The following CAMTA1 variants were observed in gnomAD, a reference collection of about 807,000 sequenced individuals.
CAMTA1 encodes the protein calmodulin-binding transcription activator 1.
In CAMTA1, 27 loss-of-function variants were observed where a neutral mutation model predicts 170.9. The observed-to-expected ratio is 0.16, with a 90% CI of 0.12 to 0.22. CAMTA1 has a LOEUF of 0.22. Ranked by LOEUF, CAMTA1 falls within the 10% of genes least tolerant of loss-of-function variation. The pLI is 1.00. For missense variants in CAMTA1, 1,619 were observed against 2,217.2 expected (o/e 0.73, Z 5.42); for synonymous variants, 833 against 891.5 (o/e 0.93, Z 1.17).
intron 7 of CAMTA1, among the ~76,000 whole-genome samples, chr1:7,649,025 C>T (rs1484887937): frequency 1.3e-5 from 2 of 152,254 alleles, no homozygotes; most frequent in African/African-American, 2.4e-5. Context: ...TGTAGCCACA[C>T]TCCCAGAGGA....
At chr1:7,081,428 C>T (rs941561142) in intron 3 of CAMTA1, among the ~76,000 whole-genome samples, 16 of 152,308 alleles carry the variant, frequency 1.1e-4, no homozygotes, top group South Asian at 8.3e-4. Context: ...AATAAACTGA[C>T]GACTGGAACA....
intron 5 of CAMTA1, among the ~76,000 whole-genome samples, chr1:7,265,219 T>C (rs569427052): frequency 1.6e-4 from 24 of 152,350 alleles, no homozygotes; most frequent in Middle Eastern, 3.4e-3. Flanking sequence ...CCTGGAAATG[T>C]GGCTCATCCA....
intron 4 of CAMTA1, among the ~76,000 whole-genome samples, chr1:7,181,924 G>T (rs1208364182): frequency 6.6e-6 from 1 of 151,778 alleles, no homozygotes; most frequent in Non-Finnish European, 1.5e-5. Flanking sequence ...AAGAACTACT[G>T]GGAGGAATAG....
chr1:6,928,950 G>A (rs1008475113), intron 3 of CAMTA1, among the ~76,000 whole-genome samples: 1 of 152,160 alleles, frequency 6.6e-6, no homozygotes. Context: ...CTGGCCCATC[G>A]GAGGCACCAG....
intron 1 of CAMTA1, among the ~76,000 whole-genome samples, chr1:6,796,010 A>T (rs1642390936): frequency 6.6e-6 from 1 of 152,146 alleles, no homozygotes; most frequent in Admixed American, 6.6e-5. Flanking sequence ...CTAAAAAGTC[A>T]ATTTAATTAT....
intron 7 of CAMTA1, among the ~76,000 whole-genome samples, chr1:7,655,476 T>TAC (rs377554546): frequency 0.32 from 42,357 of 131,654 alleles, 6,440 homozygotes; most frequent in African/African-American, 0.43. Context: ...CACCCACCTA[T>TAC]ACAAACACAC....
intron 4 of CAMTA1, among the ~76,000 whole-genome samples, chr1:7,147,485 CACAA>C (rs1180929230): frequency 2.6e-5 from 4 of 151,692 alleles, no homozygotes; most frequent in Non-Finnish European, 5.9e-5. Context: ...ACCATGCACA[CACAA>C]ACACACTCAA....
intron 4 of CAMTA1, among the ~76,000 whole-genome samples, chr1:7,244,110 C>T (rs1230685452): frequency 6.6e-6 from 1 of 152,150 alleles, no homozygotes; most frequent in Non-Finnish European, 1.5e-5. Context: ...CAAAAGAAGA[C>T]ATTTATGCAG....
chr1:7,404,408 G>A (rs1230539856), intron 5 of CAMTA1, among the ~76,000 whole-genome samples: 1 of 152,240 alleles, frequency 6.6e-6, no homozygotes, highest in Non-Finnish European at 1.5e-5. Context: ...GATGTCCTCT[G>A]GTGTTGGTCA....
intron 6 of CAMTA1, among the ~76,000 whole-genome samples, chr1:7,559,862 C>T (rs747067895): frequency 4.4e-4 from 67 of 152,144 alleles, no homozygotes; most frequent in Non-Finnish European, 9.0e-4. Context: ...GGCCTCAGGG[C>T]CTGACTGCAG....
chr1:6,940,316 A>G (rs1686211781), intron 3 of CAMTA1, among the ~76,000 whole-genome samples: 1 of 152,244 alleles, frequency 6.6e-6, no homozygotes, highest in African/African-American at 2.4e-5. Flanking sequence ...TGTAAGTCCC[A>G]GTTCAAGGTC....
chr1:7,631,598 G>A (rs938447221), intron 6 of CAMTA1, among the ~76,000 whole-genome samples: 5 of 152,180 alleles, frequency 3.3e-5, no homozygotes, highest in African/African-American at 9.7e-5. Flanking sequence ...CTGAGTGGCC[G>A]TGGAATGCCA....
chr1:7,291,569 G>A (rs2149503803), intron 5 of CAMTA1, among the ~76,000 whole-genome samples: 1 of 152,366 alleles, frequency 6.6e-6, no homozygotes, highest in East Asian at 1.9e-4. Context: ...GATGAATTAA[G>A]CGCTGCTGGG....
chr1:7,758,775 A>C (rs2096951513), intron 22 of CAMTA1, among the ~76,000 whole-genome samples: 1 of 151,990 alleles, frequency 6.6e-6, no homozygotes. Context: ...CTCTACTGAA[A>C]ATACAAAAAA....
At chr1:6,807,093 G>A (rs762774890) in intron 1 of CAMTA1, 5 of 621,410 alleles carry the variant, frequency 8.0e-6, no homozygotes, top group Admixed American at 2.4e-5. Context: ...GTGAAGGTGC[G>A]TGCAATATGT....
rs1679174488 is a variant in CAMTA1 at position 7,325,763 on chromosome 1, A to G, written c.438+76137A>G. 6.6e-6 allele frequency among the ~76,000 whole-genome samples: 1 copy of G among 152,202 alleles called. No individual in the cohort carries two copies. On this transcript the variant is annotated intron_variant, in intron 5 of 22. Coordinates refer to ENST00000303635, the MANE Select transcript of CAMTA1 (RefSeq NM_015215.4). The surrounding 1 kb of genome is among the most constrained non-coding windows in gnomAD (Gnocchi z 5.0). ...CTGCTGTGGACATACTGCATTTGAG[A>G]TGCCTCAAAAATTCAGAGGGGCCAC... is the stretch of plus-strand genomic sequence containing the variant.
intron 3 of CAMTA1, among the ~76,000 whole-genome samples, chr1:7,077,554 G>A (rs982393258): frequency 7.2e-5 from 11 of 152,070 alleles, no homozygotes; most frequent in African/African-American, 2.7e-4. Context: ...CATTATGGGT[G>A]TTAGGGCTTC....
intron 6 of CAMTA1, among the ~76,000 whole-genome samples, chr1:7,498,919 A>G (rs1008384341): frequency 1.2e-5 from 1 of 84,678 alleles, no homozygotes; most frequent in Admixed American, 1.1e-4. Context: ...GTGCGTATGT[A>G]TATGAGTGTG....
intron 5 of CAMTA1, among the ~76,000 whole-genome samples, chr1:7,459,900 G>A (rs2093042793): frequency 6.6e-6 from 1 of 152,240 alleles, no homozygotes; most frequent in Admixed American, 6.5e-5. Context: ...TGGTGAGCGG[G>A]TCAGAGCCAA....
Sources: gnomAD v4.1 joint callset for allele counts (sites outside exome capture counted in the v4.1 genomes callset) on GRCh38, gnomAD v4.1.1 for gene constraint, Gnocchi (gnomAD v3.1) non-coding constraint, MANE v1.5 for transcripts, NCBI Gene and HGNC (gene_info 2026-07-23, HGNC 2026-07-21) for gene names.